GDNF: variants seen among roughly 807,000 people sequenced by gnomAD.
GDNF encodes the protein glial cell line-derived neurotrophic factor.
GDNF carries 5 observed loss-of-function variants against 13.7 expected under a neutral mutation model. The observed-to-expected ratio is 0.36, with a 90% CI of 0.19 to 0.77. The LOEUF (loss-of-function observed/expected upper bound fraction) is 0.77. Ranked by LOEUF, GDNF falls within the 30% of genes least tolerant of loss-of-function variation. The pLI, the probability that GDNF is intolerant of heterozygous loss-of-function variation, is 0.51. For missense variants in GDNF, 246 were observed against 274.3 expected (o/e 0.90, Z 0.73); for synonymous variants, 122 against 112.5 (o/e 1.08, Z -0.53).
chr5:37,817,947 C>T lies in GDNF; in HGVS notation c.152-1812G>A, dbSNP rs115924737. Among the ~76,000 whole-genome samples the T allele has an allele frequency of 4.6e-3, 698 of 152,302 alleles. 2 individuals are homozygous for T. The highest frequency in any genetic ancestry group is 0.016 in the African/African-American group (665 of 41,546). ...TCTCTGTTACTCTTAGAGAAAAAGC[C>T]CAAATCCACACTGGCCCTAAAGGCC... is the stretch of plus-strand genomic sequence containing the variant. On this transcript the variant is annotated intron_variant, in intron 2 of 2. Transcript: ENST00000326524.
At chr5:37,821,720 T>G (rs1036263543) in intron 2 of GDNF, among the ~76,000 whole-genome samples, 3 of 152,162 alleles carry the variant, frequency 2.0e-5, no homozygotes, top group Non-Finnish European at 2.9e-5. Flanking sequence ...AAGACTTTGC[T>G]GCCCTCGATT....
At chr5:37,823,053 A>G (rs982196723) in intron 2 of GDNF, among the ~76,000 whole-genome samples, 7 of 152,244 alleles carry the variant, frequency 4.6e-5, no homozygotes, top group Non-Finnish European at 1.5e-5. Flanking sequence ...TTACCAGTGT[A>G]AAGGTGGAAT....
intron 2 of GDNF, among the ~76,000 whole-genome samples, chr5:37,819,774 T>C (rs1303901473): frequency 6.6e-6 from 1 of 152,130 alleles, no homozygotes; most frequent in Non-Finnish European, 1.5e-5. Flanking sequence ...TAATTTGTCC[T>C]TTCCTTTGTA....
rs914097176 is a variant in GDNF at position 37,838,209 on chromosome 5, T to C, written c.-27+1298A>G. ...AAAGCGGTCTGTTTAAAGGGCCAGG[T>C]TCCAGGCCCGAGAGCACCCGAATTG... On this transcript the variant is annotated intron_variant, in intron 1 of 2. Coordinates refer to ENST00000326524, the MANE Select transcript of GDNF (RefSeq NM_000514.4). The surrounding 1 kb of genome is among the most constrained non-coding windows in gnomAD (Gnocchi z 4.1). Among the ~76,000 whole-genome samples the C allele has an allele frequency of 6.6e-6, 1 of 152,086 alleles. No individual in the cohort carries two copies. The highest frequency in any genetic ancestry group is 2.1e-4 in the South Asian group (1 of 4,820).
chr5:37,825,680 C>T (rs973281833), intron 2 of GDNF, among the ~76,000 whole-genome samples: 9 of 152,154 alleles, frequency 5.9e-5, no homozygotes, highest in South Asian at 2.1e-4. Flanking sequence ...CTTCTTTCAG[C>T]GAAGCCCTGC....
intron 2 of GDNF, among the ~76,000 whole-genome samples, chr5:37,819,179 G>A (rs947287533): frequency 6.6e-6 from 1 of 152,050 alleles, no homozygotes; most frequent in Non-Finnish European, 1.5e-5. Flanking sequence ...GGGGACTCTG[G>A]GACTTTAGCT....
At chr5:37,834,611 C>T (rs1161445967) in intron 2 of GDNF, 35 bp downstream of exon 2, 3 of 1,433,924 alleles carry the variant, frequency 2.1e-6, no homozygotes, top group South Asian at 2.9e-5. Context: ...GGGGGTCCGC[C>T]GGCGGCCCCC....
intron 2 of GDNF, among the ~76,000 whole-genome samples, chr5:37,817,118 G>T (rs540050649): frequency 1.2e-3 from 176 of 152,300 alleles, no homozygotes; most frequent in Admixed American, 3.2e-3. Flanking sequence ...CAGGACAAGA[G>T]GCTCATTAGG....
intron 2 of GDNF, among the ~76,000 whole-genome samples, chr5:37,823,835 A>G (rs1236916923): frequency 6.6e-6 from 1 of 152,204 alleles, no homozygotes; most frequent in African/African-American, 2.4e-5. Context: ...GGAGAGTCTA[A>G]GTCTTGGCTG....
In GDNF at chr5:37,815,949, C is replaced by T. The variant is rs775319761; in HGVS notation, c.338G>A (p.Gly113Asp). ...AGTTAAGACACAACCCCGGTTTTTG[C>T]CCCTCTGGCCTCTCCGACCTTTTCC... ...SRGKGRRGQRGKNRGCVLTAI... is the reference protein window; with the variant it reads ...SRGKGRRGQRDKNRGCVLTAI... Residue 113 changes from glycine to aspartate, a missense_variant, in exon 3 of 3, where the codon GGC (glycine) becomes GAC (aspartate). Transcript: ENST00000326524. The surrounding 1 kb of genome is among the most constrained non-coding windows in gnomAD (Gnocchi z 5.0). 1.9e-6 allele frequency: 3 copies of T among 1,614,116 alleles called. No individual in the cohort carries two copies. The highest frequency in any genetic ancestry group is 2.5e-6 in the Non-Finnish European group (3 of 1,179,984).
chr5:37,827,198 T>C (rs920580276), intron 2 of GDNF, among the ~76,000 whole-genome samples: 14 of 150,704 alleles, frequency 9.3e-5, no homozygotes, highest in African/African-American at 2.2e-4. Context: ...CAATTTATGG[T>C]CCTGGGTTTT....
intron 2 of GDNF, 134 bp from the exon 3 acceptor site, chr5:37,816,269 G>C: frequency 1.2e-6 from 1 of 822,576 alleles, no homozygotes; most frequent in South Asian, 1.5e-5. Context: ...TAAGCTATAG[G>C]ACCACTGTAA....
chr5:37,839,692 C>CCCG lies in GDNF; in HGVS notation c.-215_-213dup, dbSNP rs554953764. On this transcript the variant is annotated 5_prime_UTR_variant, in exon 1 of 3. Coordinates refer to ENST00000326524, the MANE Select transcript of GDNF (RefSeq NM_000514.4). This position sits in a 1 kb window ranked among gnomAD's most constrained non-coding sequence, Gnocchi z 5.5. ...CGCGCTGGAGGCGGCGGCCAAGACT[C>CCCG]CCGCCGCCGCCGCCGCCAACAGGGC... 4,888 of 152,156 alleles carry CCCG rather than the reference C, an allele frequency of 0.032. 287 individuals are homozygous for CCCG. The highest frequency in any genetic ancestry group is 0.11 in the African/African-American group (4,637 of 41,494). 9.4% of individuals were successfully genotyped at this position (152,156 alleles called of 1,614,324 possible). A position where few individuals can be genotyped will look rare whatever the true frequency, so the allele number is the denominator to read the frequency against.
At chr5:37,821,093 G>A (rs570963022) in intron 2 of GDNF, among the ~76,000 whole-genome samples, 3 of 152,132 alleles carry the variant, frequency 2.0e-5, no homozygotes, top group Non-Finnish European at 4.4e-5. Context: ...TCAATTTATC[G>A]ATGCGAGGCA....
In GDNF at chr5:37,815,990, G is replaced by C. The variant is rs1749913612; in HGVS notation, c.297C>G (p.Asn99Lys). Residue 99 changes from asparagine (N) to lysine (K), a missense_variant, in exon 3 of 3, where the codon AAC (asparagine) becomes AAG (lysine). Physicochemically the swap from Asn to Lys is moderately conservative, Grantham distance 94. Coordinates refer to ENST00000326524, the MANE Select transcript of GDNF (RefSeq NM_000514.4). The surrounding 1 kb of genome is among the most constrained non-coding windows in gnomAD (Gnocchi z 5.0). ...RERNRQAAAA[N>K]PENSRGKGRR... Reference sequence around the variant, plus strand: ...GACCTTTTCCTCTGGAATTCTCTGGGTTGGCAGCTGCAGCCTGCCGATTCC... The same window carrying C: ...GACCTTTTCCTCTGGAATTCTCTGGCTTGGCAGCTGCAGCCTGCCGATTCC... 6.2e-7 allele frequency: 1 copy of C among 1,613,922 alleles called. No individual in the cohort carries two copies. Among genetic ancestry groups the C allele is most frequent in the East Asian group, 2.2e-5 (1 of 44,882 alleles).
chr5:37,827,123 C>G (rs2910704), intron 2 of GDNF, among the ~76,000 whole-genome samples: 52,785 of 150,760 alleles, frequency 0.35, 9,424 homozygotes, highest in South Asian at 0.46. Context: ...CAATGTCATG[C>G]GGGAAAAAAA....
At chr5:37,817,038 C>T (rs1749955293) in intron 2 of GDNF, among the ~76,000 whole-genome samples, 1 of 152,170 alleles carries the variant, frequency 6.6e-6, no homozygotes, top group African/African-American at 2.4e-5. Context: ...ATAGAAGCAG[C>T]CCTGCCCCCA....
chr5:37,828,440 A>G (rs1020034323), intron 2 of GDNF, among the ~76,000 whole-genome samples: 3 of 152,248 alleles, frequency 2.0e-5, no homozygotes, highest in Non-Finnish European at 4.4e-5. Context: ...AAAAGGGCCA[A>G]AAGGAAATTT....
intron 2 of GDNF, among the ~76,000 whole-genome samples, chr5:37,829,600 T>TA (rs954604035): frequency 6.6e-6 from 1 of 152,218 alleles, no homozygotes; most frequent in African/African-American, 2.4e-5. Context: ...AGTAATTAAC[T>TA]AAAAAACAAG....
Sources: gnomAD v4.1 joint callset for allele counts (sites outside exome capture counted in the v4.1 genomes callset) on GRCh38, gnomAD v4.1.1 for gene constraint, Gnocchi (gnomAD v3.1) non-coding constraint, MANE v1.5 for transcripts, NCBI Gene and HGNC (gene_info 2026-07-23, HGNC 2026-07-21) for gene names.